The following CCT4 variants were observed in gnomAD, a reference collection of about 807,000 sequenced individuals.
CCT4 encodes the protein T-complex protein 1 subunit delta.
CCT4 carries 17 observed loss-of-function variants against 62.5 expected under a neutral mutation model. The observed-to-expected ratio is 0.27, with a 90% confidence interval of 0.19 to 0.41. The LOEUF is 0.41. Ranked by LOEUF, CCT4 falls within the 10% of genes least tolerant of loss-of-function variation. The probability of loss-of-function intolerance (pLI) is 1.00; values close to 1 mark genes in which losing one functional copy is unlikely to be tolerated. For synonymous variants in CCT4, 250 were observed against 229.9 expected, an observed-to-expected ratio of 1.09 and a Z score of -0.79; for missense variants, 592 against 659.2, an observed-to-expected ratio of 0.90 and a Z score of 1.12.
rs1210629882 is a variant in CCT4 at position 61,873,227 on chromosome 2, A to T, written c.984T>A (p.Ile328=). ...NKMKIMVIKD[I]EREDIEFICK... is the part of the protein sequence containing the mutation. ...AAATGAATTCAATGTCTTCTCTTTC[A>T]ATATCCTTAATCACCATGATCTTCA... Residue 328 remains isoleucine, a synonymous_variant, in exon 9 of 14, where the codon ATT becomes ATA. Transcript: ENST00000394440. 1.3e-6 allele frequency: 2 copies of T among 1,526,056 alleles called. No individual in the cohort carries two copies. Among genetic ancestry groups the T allele is most frequent in the Admixed American group, 1.7e-5 (1 of 59,866 alleles). The allele number at this position is 1,526,056 out of a possible 1,614,324, so 94.5% of individuals were successfully genotyped here. A position where few individuals can be genotyped will look rare whatever the true frequency, so the allele number is the denominator to read the frequency against.
intron 5 of CCT4, among the ~76,000 whole-genome samples, chr2:61,877,870 T>C (rs1669034402): frequency 6.6e-6 from 1 of 152,206 alleles, no homozygotes; most frequent in Non-Finnish European, 1.5e-5. Context: ...TGTACATTCC[T>C]GATGAGGGGT....
chr2:61,877,507 GA>G lies in CCT4; in HGVS notation c.529del (p.Ser177LeufsTer10). 6.4e-7 allele frequency: 1 copy of G among 1,564,270 alleles called. No individual in the cohort carries two copies. Among genetic ancestry groups the G allele is most frequent in the Non-Finnish European group, 8.6e-7 (1 of 1,162,296 alleles). ...TGGAGAAAGCAGACTTGAATACTGA[GA>G]AACCACCTAGAATTATTAAAAAAAA... is the stretch of plus-strand genomic sequence containing the variant. The part of the protein sequence containing the change: ...ATTSLNSKVV[S>X]QYSSLLSPMS... On this transcript the variant is annotated frameshift_variant, in exon 6 of 14. Transcript: ENST00000394440. LOFTEE classifies it high-confidence loss of function.
chr2:61,884,345 C>G (rs753050995), intron 2 of CCT4, among the ~76,000 whole-genome samples: 2 of 152,116 alleles, frequency 1.3e-5, no homozygotes, highest in African/African-American at 4.8e-5. Flanking sequence ...GCTCCATTGC[C>G]CAGGCTGGAG....
intron 12 of CCT4, 82 bp downstream of exon 12, chr2:61,872,000 G>C (rs542900203): frequency 2.2e-6 from 2 of 928,102 alleles, no homozygotes; most frequent in East Asian, 5.3e-5. Flanking sequence ...TCATTACAGA[G>C]CTTTCCATTC....
intron 3 of CCT4, 24 bp from the exon 4 acceptor site, chr2:61,880,418 T>C (rs1267188165): frequency 1.6e-5 from 21 of 1,350,996 alleles, no homozygotes; most frequent in Non-Finnish European, 2.2e-5. Flanking sequence ...AAATGCCAAG[T>C]TGCTCAATGA....
chr2:61,885,489 C>A (rs1669230242), intron 1 of CCT4, among the ~76,000 whole-genome samples: 1 of 152,146 alleles, frequency 6.6e-6, no homozygotes, highest in Non-Finnish European at 1.5e-5. Context: ...CGGCTCACTG[C>A]AACCTCCGCC....
At chr2:61,884,724 G>C (rs1267950521) in intron 2 of CCT4, among the ~76,000 whole-genome samples, 1 of 151,480 alleles carries the variant, frequency 6.6e-6, no homozygotes, top group African/African-American at 2.4e-5. Context: ...TGCCTCCCAG[G>C]TTCAAGCAAT....
chr2:61,883,557 A>C lies in CCT4; in HGVS notation c.181-9T>G. ...CCTTTTCCATCTTGAATCTAGAAAA[A>C]AAATTTTAAAGTTATATTTCAATGT... On this transcript the variant is annotated splice_polypyrimidine_tract_variant and intron_variant, in intron 2 of 13. Transcript: ENST00000394440. 1 of 1,449,392 alleles carries C rather than the reference A, an allele frequency of 6.9e-7. No individual in the cohort carries two copies. The highest frequency in any genetic ancestry group is 9.5e-7 in the Non-Finnish European group (1 of 1,050,482). The allele number at this position is 1,449,392 out of a possible 1,614,324, so 89.8% of individuals were successfully genotyped here. A position where few individuals can be genotyped will look rare whatever the true frequency, so the allele number is the denominator to read the frequency against.
At chr2:61,874,958 A>G (rs1668966286) in intron 8 of CCT4, among the ~76,000 whole-genome samples, 1 of 151,932 alleles carries the variant, frequency 6.6e-6, no homozygotes, top group Non-Finnish European at 1.5e-5. Context: ...CAGCCTGACT[A>G]ACAGAGAAAC....
chr2:61,877,260 C>T (rs923143707), intron 6 of CCT4, 133 bp downstream of exon 6: 15 of 1,011,366 alleles, frequency 1.5e-5, no homozygotes, highest in East Asian at 1.0e-4. Flanking sequence ...CATACTAATA[C>T]AAATTCTCAC....
intron 3 of CCT4, among the ~76,000 whole-genome samples, chr2:61,881,934 TC>T (rs1669125519): frequency 4.1e-5 from 6 of 145,254 alleles, no homozygotes; most frequent in Admixed American, 4.1e-4. Context: ...TGATAGAAGT[TC>T]CTTTTTTTTT....
At chr2:61,885,113 T>TTA in intron 1 of CCT4, 41 bp from the exon 2 acceptor site, 1 of 1,441,664 alleles carries the variant, frequency 6.9e-7, no homozygotes, top group Non-Finnish European at 9.2e-7. Context: ...AATTAGAACT[T>TTA]TTTTTTTTTT....
chr2:61,888,456 C>T lies in CCT4; in HGVS notation c.52G>A (p.Gly18Ser), dbSNP rs1334203901. The T allele has an allele frequency of 1.2e-6, 2 of 1,611,668 alleles. No individual in the cohort carries two copies. The highest frequency in any genetic ancestry group is 2.2e-5 in the South Asian group (2 of 90,864). The change falls in exon 1 of 14, where the codon GGC becomes AGC. Residue 18 changes from glycine to serine, a missense_variant. This residue lies in a region of CCT4 where 67 missense variants were observed against 71.1 expected (regional missense o/e 0.94). Coordinates refer to ENST00000394440, the MANE Select transcript of CCT4 (RefSeq NM_006430.4). ...RSGATAGAAG[G>S]RGKGAYQDRD... ...TCCTGATAGGCGCCTTTCCCGCGGC[C>T]GCCGGCAGCCCCGGCAGTCGCCCCG...
chr2:61,878,750 A>C (rs1669050591), intron 5 of CCT4, 119 bp downstream of exon 5: 1 of 638,888 alleles, frequency 1.6e-6, no homozygotes, highest in Middle Eastern at 4.3e-4. Flanking sequence ...AATTATACAG[A>C]TTATAACAGT....
chr2:61,871,657 T>G (rs528073628), intron 12 of CCT4, among the ~76,000 whole-genome samples: 1 of 152,360 alleles, frequency 6.6e-6, no homozygotes, highest in East Asian at 1.9e-4. Flanking sequence ...ACCATATGAT[T>G]ACCTTACACA....
rs10179456 is a variant in CCT4, at chr2:61,885,270, T to C, written c.128-198A>G. Among the ~76,000 whole-genome samples, 74 of 152,248 alleles carry C rather than the reference T, an allele frequency of 4.9e-4. 1 individual carries two copies. The highest frequency in any genetic ancestry group is 1.7e-3 in the African/African-American group (70 of 41,540). ...GAGTTTTTTTCCCCTCAAATGATCATTGTGTTCTTATTAGGATATAGTGCA... is the reference window on the plus strand; with the variant it reads ...GAGTTTTTTTCCCCTCAAATGATCACTGTGTTCTTATTAGGATATAGTGCA... On this transcript the variant is annotated intron_variant, in intron 1 of 13. Transcript: ENST00000394440.
At position 61,872,066 on chromosome 2, in the gene CCT4, GA is replaced by G. The variant is rs769137529; in HGVS notation, c.1491+15del. On this transcript the variant is annotated intron_variant, in intron 12 of 13. Transcript: ENST00000394440. ...AAATTAATCAATATTTTCTACATTA[GA>G]GATTAAATGATTACCTTTCGGACAT... The G allele has an allele frequency of 7.3e-6, 11 of 1,496,796 alleles. No individual in the cohort carries two copies. The highest frequency in any genetic ancestry group is 1.4e-5 in the African/African-American group (1 of 72,274). 92.7% of individuals were successfully genotyped at this position (1,496,796 alleles called of 1,614,324 possible).
At chr2:61,881,957 G>T (rs1162598977) in intron 3 of CCT4, among the ~76,000 whole-genome samples, 1 of 150,152 alleles carries the variant, frequency 6.7e-6, no homozygotes, top group Non-Finnish European at 1.5e-5. Context: ...TTTTGAGACG[G>T]AGTCTTACTC....
chr2:61,879,239 T>C (rs566200059), intron 4 of CCT4, among the ~76,000 whole-genome samples: 1 of 145,736 alleles, frequency 6.9e-6, no homozygotes, highest in African/African-American at 2.5e-5. Context: ...TGGTCTTGAC[T>C]AAAACCAAAT....
Sources: gnomAD v4.1 joint callset for allele counts (sites outside exome capture counted in the v4.1 genomes callset) on GRCh38, gnomAD v4.1.1 for gene constraint, gnomAD v4.1.1 regional missense constraint, MANE v1.5 for transcripts, NCBI Gene and HGNC (gene_info 2026-07-23, HGNC 2026-07-21) for gene names.